Variants in IPCEF1 observed in about 807,000 individuals in gnomAD.
The protein encoded by IPCEF1 is interaction protein for cytohesin exchange factors 1.
IPCEF1 carries 31 observed loss-of-function variants against 50.9 expected under a neutral mutation model. The observed-to-expected ratio is 0.61, with a 90% CI of 0.46 to 0.82. The LOEUF is 0.82. Among genes scored for constraint, IPCEF1 ranks in the 40% least tolerant of loss-of-function variants. IPCEF1 has a pLI of 0.00. For synonymous variants in IPCEF1, 181 were observed against 192.0 expected (o/e 0.94, Z 0.47); for missense variants, 458 against 514.0 (o/e 0.89, Z 1.05).
rs143644214 is a variant in IPCEF1, at chr6:154,212,952, T to G, written c.452-97A>C. 34 of 813,428 alleles carry G rather than the reference T, an allele frequency of 4.2e-5. No homozygotes were observed. The African/African-American group carries it at 4.9e-4, about 12-fold the overall frequency. 50.4% of individuals were successfully genotyped at this position (813,428 alleles called of 1,614,324 possible). A position where few individuals can be genotyped will look rare whatever the true frequency, so the allele number is the denominator to read the frequency against. ...TTATCTCCATCTGGCTATTGCAATTTCAATCCAATTCAGAAAGTTCATATC... is the reference window on the plus strand; with the variant it reads ...TTATCTCCATCTGGCTATTGCAATTGCAATCCAATTCAGAAAGTTCATATC... On this transcript the variant is annotated intron_variant, in intron 8 of 11. Transcript: ENST00000367220.
intron 1 of IPCEF1, among the ~76,000 whole-genome samples, chr6:154,297,581 T>C (rs1223149619): frequency 6.6e-6 from 1 of 152,222 alleles, no homozygotes; most frequent in East Asian, 1.9e-4. Flanking sequence ...TACAAATGCA[T>C]ATTTGCATTG....
At chr6:154,192,318 CTGTG>C (rs56231733) in intron 10 of IPCEF1, among the ~76,000 whole-genome samples, 2,515 of 148,068 alleles carry the variant, frequency 0.017, 61 homozygotes, top group African/African-American at 0.049. Context: ...CACGTGGTTA[CTGTG>C]TGTGTGTGTG....
intron 10 of IPCEF1, among the ~76,000 whole-genome samples, chr6:154,178,394 T>C (rs1020762594): frequency 3.3e-5 from 5 of 152,200 alleles, no homozygotes; most frequent in African/African-American, 1.2e-4. Context: ...TATAATATAT[T>C]CCCTACATGA....
At chr6:154,313,735 TTTTTTTGTTTTG>T (rs1312963113) in intron 1 of IPCEF1, among the ~76,000 whole-genome samples, 1 of 151,924 alleles carries the variant, frequency 6.6e-6, no homozygotes, top group African/African-American at 2.4e-5. Flanking sequence ...TTCTGGTTCT[TTTTTTTGTTTTG>T]TTTTTTGTTT....
At chr6:154,291,625 C>T (rs1248589527) in intron 1 of IPCEF1, among the ~76,000 whole-genome samples, 1 of 151,626 alleles carries the variant, frequency 6.6e-6, no homozygotes, top group African/African-American at 2.4e-5. Context: ...CAGCATGTAC[C>T]TCCTAAGAGC....
chr6:154,169,326 A>T (rs2128555151), intron 10 of IPCEF1, among the ~76,000 whole-genome samples: 1 of 152,188 alleles, frequency 6.6e-6, no homozygotes, highest in South Asian at 2.1e-4. Context: ...ACACCACTGC[A>T]CTCCAGCCTG....
intron 1 of IPCEF1, among the ~76,000 whole-genome samples, chr6:154,329,764 C>A (rs139486280): frequency 4.1e-4 from 62 of 151,880 alleles, no homozygotes; most frequent in African/African-American, 1.4e-3. Flanking sequence ...TCCTCGCAAA[C>A]AGCTCGGCAC....
At chr6:154,264,073 G>A (rs967521285) in intron 3 of IPCEF1, among the ~76,000 whole-genome samples, 11 of 145,716 alleles carry the variant, frequency 7.5e-5, no homozygotes, top group Non-Finnish European at 1.5e-4. Context: ...GCCTCCTACC[G>A]CAGCCACATT....
At chr6:154,286,997 G>A in intron 2 of IPCEF1, among the ~76,000 whole-genome samples, 1 of 152,182 alleles carries the variant, frequency 6.6e-6, no homozygotes, top group Middle Eastern at 3.2e-3. Flanking sequence ...CAGTGAGTGA[G>A]TTCTCAAGAA....
At chr6:154,318,557 T>C (rs1783286066) in intron 1 of IPCEF1, among the ~76,000 whole-genome samples, 1 of 151,722 alleles carries the variant, frequency 6.6e-6, no homozygotes, top group African/African-American at 2.4e-5. Flanking sequence ...GTTTTAACAA[T>C]ATGTATTTTC....
chr6:154,351,011 C>T (rs143920066), intron 1 of IPCEF1, among the ~76,000 whole-genome samples: 204 of 152,308 alleles, frequency 1.3e-3, no homozygotes, highest in African/African-American at 4.7e-3. Context: ...TCAACCACCC[C>T]ACCTGGCCTG....
chr6:154,234,018 G>A (rs536674443), intron 5 of IPCEF1, among the ~76,000 whole-genome samples: 1 of 152,206 alleles, frequency 6.6e-6, no homozygotes, highest in Admixed American at 6.5e-5. Flanking sequence ...AGACCAGCCT[G>A]GGCAACACAG....
At chr6:154,220,629 A>G (rs1016101543) in intron 7 of IPCEF1, among the ~76,000 whole-genome samples, 2 of 152,140 alleles carry the variant, frequency 1.3e-5, no homozygotes, top group Admixed American at 6.5e-5. Context: ...GCAACAGAAC[A>G]AGACTGTCTC....
At chr6:154,178,041 A>G (rs1403781925) in intron 10 of IPCEF1, among the ~76,000 whole-genome samples, 1 of 152,042 alleles carries the variant, frequency 6.6e-6, no homozygotes, top group African/African-American at 2.4e-5. Context: ...TCACAAGGAC[A>G]GAAAATCAAA....
chr6:154,219,941 G>A (rs1778719348), intron 7 of IPCEF1, among the ~76,000 whole-genome samples: 1 of 151,708 alleles, frequency 6.6e-6, no homozygotes, highest in Non-Finnish European at 1.5e-5. Context: ...GGGGACAGAT[G>A]AGAGTCCTTC....
intron 4 of IPCEF1, chr6:154,247,135 C>T (rs987101614): frequency 2.4e-6 from 1 of 422,142 alleles, no homozygotes; most frequent in African/African-American, 2.0e-5. Flanking sequence ...TAACATAGCT[C>T]CTCTCAACAA....
chr6:154,295,594 A>G lies in IPCEF1; in HGVS notation c.-61-5838T>C, dbSNP rs555071244. ...GGGTCTAGGTCAGCGACGCCTGCAC[A>G]AGGATCTGCTGCCTCTTCCCACACT... On this transcript the variant is annotated intron_variant, in intron 1 of 11. Coordinates refer to ENST00000367220, the MANE Select transcript of IPCEF1 (RefSeq NM_001130700.2). 5.9e-5 allele frequency among the ~76,000 whole-genome samples: 9 copies of G among 152,328 alleles called. No individual in the cohort carries two copies. The East Asian group carries it at 1.7e-3, about 29-fold the overall frequency.
At chr6:154,313,287 A>C (rs1783130764) in intron 1 of IPCEF1, among the ~76,000 whole-genome samples, 1 of 151,892 alleles carries the variant, frequency 6.6e-6, no homozygotes, top group Non-Finnish European at 1.5e-5. Flanking sequence ...AGGCAGAAGA[A>C]TCACTTGAAC....
chr6:154,243,408 C>T lies in IPCEF1; in HGVS notation c.246+3183G>A, dbSNP rs372597505. 3.3e-5 allele frequency among the ~76,000 whole-genome samples: 5 copies of T among 152,152 alleles called. No individual in the cohort carries two copies. The East Asian group carries it at 7.7e-4, about 23-fold the overall frequency. Reference sequence around the variant, plus strand: ...ATGGCAGATGAGCCTCTGGACTTGACCTTTCTCAATGAATTCTAGGTAGTA... The same window carrying T: ...ATGGCAGATGAGCCTCTGGACTTGATCTTTCTCAATGAATTCTAGGTAGTA... On this transcript the variant is annotated intron_variant, in intron 5 of 11. Transcript: ENST00000367220.
Sources: gnomAD v4.1 joint callset for allele counts (sites outside exome capture counted in the v4.1 genomes callset) on GRCh38, gnomAD v4.1.1 for gene constraint, MANE v1.5 for transcripts, NCBI Gene and HGNC (gene_info 2026-07-23, HGNC 2026-07-21) for gene names.